Variants in ARHGEF18 observed in about 807,000 individuals in gnomAD.
ARHGEF18 encodes the protein Rho/Rac guanine nucleotide exchange factor 18, also known as rho guanine nucleotide exchange factor 18.
ARHGEF18 carries 93 observed loss-of-function variants against 155.7 expected under a neutral mutation model. The observed-to-expected ratio is 0.60, with a 90% CI of 0.50 to 0.71. The LOEUF (loss-of-function observed/expected upper bound fraction) is 0.71, where lower values mean the gene tolerates loss of function less well. ARHGEF18 is among the 30% of genes least tolerant of loss of function. The pLI is 0.00. For missense variants in ARHGEF18, 1,593 were observed against 1,816.1 expected, an observed-to-expected ratio of 0.88 and a Z score of 2.23; for synonymous variants, 742 against 753.1, an observed-to-expected ratio of 0.99 and a Z score of 0.24.
At chr19:7,456,982 C>T (rs569709923) in intron 18 of ARHGEF18, among the ~76,000 whole-genome samples, 176 of 152,144 alleles carry the variant, frequency 1.2e-3, no homozygotes, top group African/African-American at 1.6e-3. Context: ...GTGATCCTCC[C>T]GCCTTGGCCT....
At chr19:7,394,235 G>C (rs2145527218) in intron 10 of ARHGEF18, among the ~76,000 whole-genome samples, 1 of 152,062 alleles carries the variant, frequency 6.6e-6, no homozygotes, top group East Asian at 1.9e-4. Context: ...CCACAGGCAG[G>C]CGCCTCCATG....
At chr19:7,375,227 G>A (rs1215465790) in intron 3 of ARHGEF18, among the ~76,000 whole-genome samples, 2 of 146,530 alleles carry the variant, frequency 1.4e-5, no homozygotes, top group East Asian at 2.0e-4. Context: ...AGCTGCGATC[G>A]TGCCACTGCA....
chr19:7,364,515 T>C lies in ARHGEF18; in HGVS notation c.15+1610T>C, dbSNP rs1336422723. Among the ~76,000 whole-genome samples the C allele has an allele frequency of 3.3e-5, 5 of 152,152 alleles. No individual in the cohort carries two copies. The East Asian group carries it at 9.6e-4, about 29-fold the overall frequency. ...ATTCTGACTCTGCAGCCTGCGTCCA[T>C]ACCCTCTGCTCTCATCACACTTTCT... is the stretch of plus-strand genomic sequence containing the variant. On this transcript the variant is annotated intron_variant, in intron 2 of 28. Coordinates refer to ENST00000668164, the MANE Select transcript of ARHGEF18 (RefSeq NM_001367823.1).
intron 15 of ARHGEF18, 30 bp from the exon 16 acceptor site, chr19:7,451,119 T>G: frequency 5.7e-6 from 9 of 1,588,790 alleles, no homozygotes; most frequent in Non-Finnish European, 7.7e-6. Flanking sequence ...TCTGAGATGT[T>G]AATACAGGAT....
rs1976738974 is a variant in ARHGEF18 at position 7,467,664 on chromosome 19, C to T, written c.3460C>T (p.Pro1154Ser). 9 of 1,510,294 alleles carry T rather than the reference C, an allele frequency of 6.0e-6. No homozygotes were observed. Among genetic ancestry groups the T allele is most frequent in the Non-Finnish European group, 7.9e-6 (9 of 1,137,354 alleles). 93.6% of individuals were successfully genotyped at this position (1,510,294 alleles called of 1,614,324 possible). A position where few individuals can be genotyped will look rare whatever the true frequency, so the allele number is the denominator to read the frequency against. ...GCAGAACACCGCGCCAGGCGCGCTG[C>T]CGCCCGACACACTGGCCGAGGTGAG... Reference protein sequence around the residue: ...KKQNTAPGALPPDTLAEAQPP... With the variant: ...KKQNTAPGALSPDTLAEAQPP... The change falls in exon 26 of 29, where the codon CCG becomes TCG. Residue 1154 changes from proline (P) to serine (S), a missense_variant. Physicochemically the swap from Pro to Ser is moderately conservative, Grantham distance 74 (BLOSUM62 -1). Coordinates refer to ENST00000668164, the MANE Select transcript of ARHGEF18 (RefSeq NM_001367823.1).
At chr19:7,421,424 C>G (rs959284603) in intron 10 of ARHGEF18, among the ~76,000 whole-genome samples, 2 of 152,122 alleles carry the variant, frequency 1.3e-5, no homozygotes, top group African/African-American at 2.4e-5. Context: ...CTGTACCCCC[C>G]TCTTCTTTTC....
At chr19:7,430,410 C>G (rs900770936) in intron 10 of ARHGEF18, among the ~76,000 whole-genome samples, 2 of 151,622 alleles carry the variant, frequency 1.3e-5, no homozygotes, top group Non-Finnish European at 2.9e-5. Context: ...ACCATGTTGG[C>G]CAGGCTGGCC....
rs1970268450 is a variant in ARHGEF18, at chr19:7,372,915, C to A, written c.119C>A (p.Ala40Asp). 2.4e-6 allele frequency: 3 copies of A among 1,234,580 alleles called. No individual in the cohort carries two copies. The highest frequency in any genetic ancestry group is 3.0e-6 in the Non-Finnish European group (3 of 988,318). The allele number at this position is 1,234,580 out of a possible 1,614,324, so 76.5% of individuals were successfully genotyped here. The change falls in exon 3 of 29, where the codon GCC becomes GAC. Residue 40 changes from alanine to aspartate, a missense_variant. By Grantham distance (126) the Ala-to-Asp change is moderately radical (BLOSUM62 -2). Coordinates refer to ENST00000668164, the MANE Select transcript of ARHGEF18 (RefSeq NM_001367823.1). The stretch of plus-strand genomic sequence containing the variant: ...TATCTGCAGGACCTGGGCCTTGGGG[C>A]CCCTTCCCACAGCCAGCCTGGGGAG... ...SEYLQDLGLGAPSHSQPGETP... is the reference protein window; with the variant it reads ...SEYLQDLGLGDPSHSQPGETP...
chr19:7,475,600 T>C (rs755251122), downstream of ARHGEF18, among the ~76,000 whole-genome samples: 8 of 152,060 alleles, frequency 5.3e-5, no homozygotes, highest in Non-Finnish European at 1.0e-4. Context: ...GCGGCCTCCC[T>C]TTCTGGAAGC....
At chr19:7,393,226 A>G (rs528653047) in intron 10 of ARHGEF18, among the ~76,000 whole-genome samples, 2 of 152,188 alleles carry the variant, frequency 1.3e-5, no homozygotes, top group South Asian at 4.2e-4. Flanking sequence ...GGGACATCCA[A>G]TTCCCTGAAC....
intron 10 of ARHGEF18, among the ~76,000 whole-genome samples, chr19:7,424,366 C>T (rs2064522523): frequency 6.6e-6 from 1 of 152,112 alleles, no homozygotes; most frequent in South Asian, 2.1e-4. Context: ...CAAGGTTACA[C>T]TTATTAGCAA....
chr19:7,416,544 T>A (rs1973021597), intron 10 of ARHGEF18, among the ~76,000 whole-genome samples: 1 of 132,216 alleles, frequency 7.6e-6, no homozygotes, highest in African/African-American at 3.9e-5. Flanking sequence ...TGTGTGTGTG[T>A]GTGTGTGTGT....
intron 1 of ARHGEF18, among the ~76,000 whole-genome samples, chr19:7,358,761 T>G (rs1372952482): frequency 6.6e-6 from 1 of 152,204 alleles, no homozygotes; most frequent in Non-Finnish European, 1.5e-5. Flanking sequence ...TGCACCTCTC[T>G]AAACCTCAGT....
intron 19 of ARHGEF18, among the ~76,000 whole-genome samples, chr19:7,459,125 G>A (rs939514455): frequency 1.1e-4 from 16 of 151,830 alleles, no homozygotes; most frequent in Admixed American, 7.2e-4. Context: ...GCTCACTGCA[G>A]CCTCCGCCTC....
In ARHGEF18 at chr19:7,432,515, G is replaced by A. The variant is rs1282377814; in HGVS notation, c.968-7829G>A. Among the ~76,000 whole-genome samples, 18 of 152,040 alleles carry A rather than the reference G, an allele frequency of 1.2e-4. 1 individual carries two copies. Among genetic ancestry groups the A allele is most frequent in the Admixed American group, 9.2e-4 (14 of 15,244 alleles). On this transcript the variant is annotated intron_variant, in intron 10 of 28. Transcript: ENST00000668164. ...TTCAGAGACAGGGTCTCACTACGTC[G>A]CCCAGGCTGGAATACAGTGGTGCCA... is the stretch of plus-strand genomic sequence containing the variant.
Position 7,403,545 on chromosome 19 carries a change from C to CT in ARHGEF18, c.967+20345dup, listed in dbSNP as rs1367341392. Among the ~76,000 whole-genome samples, 209 of 141,252 alleles carry CT rather than the reference C, an allele frequency of 1.5e-3. 1 individual carries two copies. Among genetic ancestry groups the CT allele is most frequent in the African/African-American group, 6.0e-3 (196 of 32,500 alleles). 92.7% of individuals were successfully genotyped at this position (141,252 alleles called of 152,430 possible). ...AACTTAGCTTTTTCTTTCTTTCTTT[C>CT]TTTCTTTCTTTTTTTTTTTTTTGAG... is the stretch of plus-strand genomic sequence containing the variant. On this transcript the variant is annotated intron_variant, in intron 10 of 28. Coordinates refer to ENST00000668164, the MANE Select transcript of ARHGEF18 (RefSeq NM_001367823.1).
At chr19:7,446,201 C>G (rs1974976656) in intron 14 of ARHGEF18, among the ~76,000 whole-genome samples, 1 of 151,820 alleles carries the variant, frequency 6.6e-6, no homozygotes, top group South Asian at 2.1e-4. Flanking sequence ...GAGTTCAAGG[C>G]CAGCCTGACC....
chr19:7,478,580 C>T, the ARHGEF18 span, among the ~76,000 whole-genome samples: 7 of 152,254 alleles, frequency 4.6e-5, no homozygotes, highest in South Asian at 2.1e-4. Flanking sequence ...CCGTCCCACC[C>T]GGGACATCGT....
At position 7,462,743 on chromosome 19, in the gene ARHGEF18, C is replaced by T. The variant is rs1976356308; in HGVS notation, c.2635+409C>T. On this transcript the variant is annotated intron_variant, in intron 21 of 28. Coordinates refer to ENST00000668164, the MANE Select transcript of ARHGEF18 (RefSeq NM_001367823.1). This position sits in a 1 kb window ranked among gnomAD's most constrained non-coding sequence, Gnocchi z 4.4. Reference sequence around the variant, plus strand: ...ACACACGCACACTCCCTCAGTGGGTCCCCACGCACAGCTCTAACACAGCCG... The same window carrying T: ...ACACACGCACACTCCCTCAGTGGGTTCCCACGCACAGCTCTAACACAGCCG... Among the ~76,000 whole-genome samples, 1 of 152,066 alleles carries T rather than the reference C, an allele frequency of 6.6e-6. No individual in the cohort carries two copies. Among genetic ancestry groups the T allele is most frequent in the Non-Finnish European group, 1.5e-5 (1 of 68,012 alleles).
Sources: gnomAD v4.1 joint callset for allele counts (sites outside exome capture counted in the v4.1 genomes callset) on GRCh38, gnomAD v4.1.1 for gene constraint, Gnocchi (gnomAD v3.1) non-coding constraint, MANE v1.5 for transcripts, NCBI Gene and HGNC (gene_info 2026-07-23, HGNC 2026-07-21) for gene names.